The following MTMR2 variants were observed in gnomAD, a reference collection of about 807,000 sequenced individuals.
MTMR2 encodes the protein myotubularin related protein 2.
A neutral mutation model predicts 86.9 loss-of-function variants in MTMR2; 55 were observed. The observed-to-expected ratio is 0.63, with a 90% CI of 0.51 to 0.79. The LOEUF is 0.79. Among genes scored for constraint, MTMR2 ranks in the 30% least tolerant of loss-of-function variants. The pLI, the probability that MTMR2 is intolerant of heterozygous loss-of-function variation, is 0.00. For synonymous variants in MTMR2, 241 were observed against 266.8 expected, an observed-to-expected ratio of 0.90 and a Z score of 0.94; for missense variants, 659 against 772.3, an observed-to-expected ratio of 0.85 and a Z score of 1.74.
At chr11:95,916,075 AGT>A (rs2135630377) in intron 1 of MTMR2, among the ~76,000 whole-genome samples, 1 of 152,188 alleles carries the variant, frequency 6.6e-6, no homozygotes, top group South Asian at 2.1e-4. Flanking sequence ...CCTCTCTTTC[AGT>A]GTGTTTTCTA....
intron 1 of MTMR2, among the ~76,000 whole-genome samples, chr11:95,921,134 A>T (rs1866905621): frequency 6.6e-6 from 1 of 152,268 alleles, no homozygotes; most frequent in African/African-American, 2.4e-5. Context: ...AGACGCAGTT[A>T]TATAGTTACC....
intron 2 of MTMR2, chr11:95,887,495 T>C (rs760991566): frequency 6.6e-6 from 1 of 152,414 alleles, no homozygotes; most frequent in Non-Finnish European, 1.5e-5. Context: ...CAATCATTCA[T>C]AGACAAGCAG....
At chr11:95,854,430 T>C (rs573280284) in intron 7 of MTMR2, among the ~76,000 whole-genome samples, 4 of 152,334 alleles carry the variant, frequency 2.6e-5, no homozygotes, top group Admixed American at 1.3e-4. Flanking sequence ...ATGTAACTTA[T>C]GTTGGGTATT....
chr11:95,857,440 G>T, intron 7 of MTMR2, 112 bp downstream of exon 7: 1 of 728,852 alleles, frequency 1.4e-6, no homozygotes, highest in Non-Finnish European at 2.5e-6. Flanking sequence ...CTCTTAATGT[G>T]GTGAATTACT....
At chr11:95,870,591 G>C (rs1864819964) in intron 2 of MTMR2, among the ~76,000 whole-genome samples, 1 of 151,890 alleles carries the variant, frequency 6.6e-6, no homozygotes, top group East Asian at 1.9e-4. Flanking sequence ...TACTTGAGAG[G>C]AATTGCATCT....
chr11:95,905,977 C>G (rs1233875734), intron 1 of MTMR2, among the ~76,000 whole-genome samples: 6 of 152,114 alleles, frequency 3.9e-5, no homozygotes, highest in Non-Finnish European at 8.8e-5. Context: ...GTAATACCAG[C>G]ACTTCCGGAG....
intron 2 of MTMR2, among the ~76,000 whole-genome samples, chr11:95,868,448 G>T (rs1483909438): frequency 6.6e-6 from 1 of 151,942 alleles, no homozygotes; most frequent in Non-Finnish European, 1.5e-5. Context: ...TATGCAATTA[G>T]CAACAAATTG....
rs1388033894 is a variant in MTMR2, at chr11:95,924,014, G to A, written c.-60C>T. The A allele has an allele frequency of 1.3e-6, 2 of 1,544,168 alleles. No homozygotes were observed. The highest frequency in any genetic ancestry group is 4.9e-5 in the East Asian group (2 of 40,900). On this transcript the variant is annotated 5_prime_UTR_variant, in exon 1 of 15. Coordinates refer to ENST00000346299, the MANE Select transcript of MTMR2 (RefSeq NM_016156.6). ...CAGTCTTCGCGGCTACAGGGCGGGA[G>A]AAGCGGAGGGCGGAGTGCTACGGAC...
Position 95,888,220 on chromosome 11 carries a change from G to A in MTMR2, c.122C>T (p.Ser41Leu), listed in dbSNP as rs1028653344. Residue 41 changes from serine to leucine, a missense_variant, in exon 2 of 15, where the codon TCA becomes TTA. Transcript: ENST00000346299. Reference protein sequence around the residue: ...SHSENSVHTKSASVVSSDSIS... With the variant: ...SHSENSVHTKLASVVSSDSIS... ...GGAATCTGATGATACAACAGAAGCT[G>A]ATTTTGTATGCACTGAATTCTCTGA... 3 of 1,613,438 alleles carry A rather than the reference G, an allele frequency of 1.9e-6. No homozygotes were observed. The highest frequency in any genetic ancestry group is 2.5e-6 in the Non-Finnish European group (3 of 1,179,688).
intron 1 of MTMR2, among the ~76,000 whole-genome samples, chr11:95,899,925 G>A (rs1006339109): frequency 1.3e-5 from 2 of 152,062 alleles, no homozygotes; most frequent in African/African-American, 4.8e-5. Flanking sequence ...GAGGACAATG[G>A]GAAGCCATCA....
At chr11:95,891,816 C>G (rs1034301251) in intron 1 of MTMR2, among the ~76,000 whole-genome samples, 1 of 151,932 alleles carries the variant, frequency 6.6e-6, no homozygotes, top group Non-Finnish European at 1.5e-5. Flanking sequence ...GGCAGAAACA[C>G]ACACACACAC....
chr11:95,868,273 T>TAAAAGAAAAA, intron 2 of MTMR2, among the ~76,000 whole-genome samples: 1 of 42,214 alleles, frequency 2.4e-5, no homozygotes, highest in Non-Finnish European at 4.0e-5. Flanking sequence ...GACCCTGTGC[T>TAAAAGAAAAA]AAAAAAAAAA....
intron 1 of MTMR2, among the ~76,000 whole-genome samples, chr11:95,894,207 G>C (rs1865806239): frequency 6.6e-6 from 1 of 152,016 alleles, no homozygotes; most frequent in African/African-American, 2.4e-5. Flanking sequence ...CTATCTTGTA[G>C]ACATACCTAC....
Position 95,835,062 on chromosome 11 carries a change from T to TGGATACTTAAAA in MTMR2, c.*216_*227dup, listed in dbSNP as rs1863199301. On this transcript the variant is annotated 3_prime_UTR_variant, in exon 15 of 15. Transcript: ENST00000346299. ...AGGATTGAAGTATTTTAATATTCTT[T>TGGATACTTAAAA]GGATACTTAAAAGATTAGTATCATA... The TGGATACTTAAAA allele has an allele frequency of 3.7e-6, 2 of 538,592 alleles. No homozygotes were observed. The highest frequency in any genetic ancestry group is 1.9e-5 in the African/African-American group (1 of 52,720). The allele number at this position is 538,592 out of a possible 1,614,324, so 33.4% of individuals were successfully genotyped here.
At chr11:95,912,454 G>GT (rs1345050500) in intron 1 of MTMR2, among the ~76,000 whole-genome samples, 2 of 151,198 alleles carry the variant, frequency 1.3e-5, no homozygotes, top group Admixed American at 6.6e-5. Flanking sequence ...TTAAAATGAC[G>GT]TTTTTTAAAA....
At position 95,875,390 on chromosome 11, in the gene MTMR2, G is replaced by C. The variant is rs373309510; in HGVS notation, c.187-9714C>G. Among the ~76,000 whole-genome samples the C allele has an allele frequency of 6.6e-5, 10 of 152,270 alleles. No homozygotes were observed. In the East Asian group the frequency reaches 1.4e-3, roughly 21 times the overall value. On this transcript the variant is annotated intron_variant, in intron 2 of 14. Coordinates refer to ENST00000346299, the MANE Select transcript of MTMR2 (RefSeq NM_016156.6). ...CCCTTTATTCCAGTTGATCGAATCA[G>C]CTACTGAGGCTTGTGCATTCGTCAC...
Position 95,836,374 on chromosome 11 carries a change from C to CACTT in MTMR2, c.1594-54_1594-51dup, listed in dbSNP as rs762336648. The CACTT allele has an allele frequency of 4.9e-5, 74 of 1,516,006 alleles. No individual in the cohort carries two copies. In the African/African-American group the frequency reaches 9.9e-4, roughly 20 times the overall value. The allele number at this position is 1,516,006 out of a possible 1,614,324, so 93.9% of individuals were successfully genotyped here. A position where few individuals can be genotyped will look rare whatever the true frequency, so the allele number is the denominator to read the frequency against. On this transcript the variant is annotated intron_variant, in intron 13 of 14. Transcript: ENST00000346299. The stretch of plus-strand genomic sequence containing the variant: ...GATTCTCCACCACATAAGCCATTTA[C>CACTT]ACTTTAGATGAAATTTGTGAAGAAG...
At chr11:95,863,739 C>A (rs931972631) in intron 3 of MTMR2, among the ~76,000 whole-genome samples, 23 of 152,190 alleles carry the variant, frequency 1.5e-4, no homozygotes, top group Admixed American at 3.9e-4. Context: ...ACATCTTCCC[C>A]TTTATTCTAA....
intron 9 of MTMR2, 53 bp from the exon 10 acceptor site, chr11:95,847,952 C>A (rs566525357): frequency 1.1e-5 from 17 of 1,498,728 alleles, no homozygotes; most frequent in South Asian, 2.3e-5. Flanking sequence ...CATCTGTAAA[C>A]AAGTGACATA....
Sources: allele counts gnomAD v4.1 joint callset (sites outside exome capture counted in the v4.1 genomes callset), GRCh38; gene constraint gnomAD v4.1.1; transcripts MANE v1.5; gene names NCBI Gene and HGNC (gene_info 2026-07-23, HGNC 2026-07-21).